Variants in ABLIM1 observed in about 807,000 individuals in gnomAD.
The protein encoded by ABLIM1 is actin binding LIM protein 1.
Under a neutral mutation model 107.0 loss-of-function variants are expected in ABLIM1, and 40 were observed. The observed-to-expected ratio is 0.37, with a 90% CI of 0.29 to 0.49. ABLIM1 has a LOEUF of 0.49. Ranked by LOEUF, ABLIM1 falls within the 20% of genes least tolerant of loss-of-function variation. The pLI is 0.97. For synonymous variants in ABLIM1, 357 were observed against 357.3 expected, an observed-to-expected ratio of 1.00 and a Z score of 0.01; for missense variants, 857 against 1,008.5, an observed-to-expected ratio of 0.85 and a Z score of 2.04.
At chr10:114,524,509 T>C (rs2064312329) in intron 6 of ABLIM1, among the ~76,000 whole-genome samples, 1 of 152,072 alleles carries the variant, frequency 6.6e-6, no homozygotes, top group Non-Finnish European at 1.5e-5. Context: ...AAGCATTCAC[T>C]TGCAGATTCT....
intron 1 of ABLIM1, among the ~76,000 whole-genome samples, chr10:114,750,781 A>C (rs1000488265): frequency 3.3e-5 from 5 of 152,234 alleles, no homozygotes; most frequent in Non-Finnish European, 7.4e-5. Context: ...AACATCTCAC[A>C]TCAAAATATT....
chr10:114,771,319 A>G (rs2083022298), upstream of ABLIM1, among the ~76,000 whole-genome samples: 2 of 152,298 alleles, frequency 1.3e-5, no homozygotes, highest in Middle Eastern at 6.8e-3. Flanking sequence ...GTAAGTCTCA[A>G]ATAAGGCACC....
chr10:114,449,252 C>T lies in ABLIM1; in HGVS notation c.1595-1232G>A, dbSNP rs559742700. 9.8e-5 allele frequency among the ~76,000 whole-genome samples: 15 copies of T among 152,286 alleles called. No homozygotes were observed. The South Asian group carries it at 2.1e-3, about 21-fold the overall frequency. On this transcript the variant is annotated intron_variant, in intron 14 of 22. Coordinates refer to ENST00000533213, the MANE Select transcript of ABLIM1 (RefSeq NM_002313.7). ...CCTGATTCTGGCTAATTTTGCAAAT[C>T]GGCCAGGGATGTCACTAAATATTTC... is the stretch of plus-strand genomic sequence containing the variant.
rs1390033497 is a variant in ABLIM1, at chr10:114,432,433, T to C, written c.*3827A>G. 1.3e-5 allele frequency: 2 copies of C among 152,232 alleles called. No homozygotes were observed. The highest frequency in any genetic ancestry group is 4.8e-5 in the African/African-American group (2 of 41,464). 9.4% of individuals were successfully genotyped at this position (152,232 alleles called of 1,614,324 possible). ...CCTGTCTCTTCCATACACAGGAGGATGCTAAGACCCAGTTAGCTTTAAATG... is the reference window on the plus strand; with the variant it reads ...CCTGTCTCTTCCATACACAGGAGGACGCTAAGACCCAGTTAGCTTTAAATG... On this transcript the variant is annotated 3_prime_UTR_variant, in exon 23 of 23. Transcript: ENST00000533213.
upstream of ABLIM1, among the ~76,000 whole-genome samples, chr10:114,663,093 G>A (rs1165349429): frequency 1.3e-5 from 2 of 152,174 alleles, no homozygotes; most frequent in Non-Finnish European, 2.9e-5. Flanking sequence ...CCTTCTCTAT[G>A]CCCTCAACAC....
chr10:114,455,812 CTT>C (rs11285756), intron 12 of ABLIM1, among the ~76,000 whole-genome samples: 43 of 139,514 alleles, frequency 3.1e-4, no homozygotes, highest in Non-Finnish European at 2.8e-4. Flanking sequence ...GAAACTGCAA[CTT>C]TTTTTTTTTT....
At chr10:114,490,076 T>C (rs960489411) in intron 7 of ABLIM1, among the ~76,000 whole-genome samples, 4 of 152,178 alleles carry the variant, frequency 2.6e-5, no homozygotes, top group African/African-American at 9.7e-5. Context: ...AGTGCTAGAA[T>C]TGACATGCTA....
At chr10:114,603,417 T>C (rs901363128) in intron 1 of ABLIM1, among the ~76,000 whole-genome samples, 1 of 151,956 alleles carries the variant, frequency 6.6e-6, no homozygotes, top group African/African-American at 2.4e-5. Flanking sequence ...ATCTGTGTTC[T>C]CTGCAAGGGA....
chr10:114,649,326 C>T (rs540154071), intron 1 of ABLIM1, among the ~76,000 whole-genome samples: 62 of 151,562 alleles, frequency 4.1e-4, no homozygotes, highest in African/African-American at 1.5e-3. Flanking sequence ...CGCTGGAACC[C>T]GGGAGGCAGA....
At chr10:114,769,807 A>T (rs909622956), upstream of ABLIM1, among the ~76,000 whole-genome samples, 1 of 152,238 alleles carries the variant, frequency 6.6e-6, no homozygotes, top group African/African-American at 2.4e-5. Context: ...AAGATTTGTA[A>T]TGGGAATAGA....
rs191459249 is a variant in ABLIM1 at position 114,485,471 on chromosome 10, C to T, written c.1041+2487G>A. On this transcript the variant is annotated intron_variant, in intron 8 of 22. Transcript: ENST00000533213. ...TTAAAAAATAAAACAAAACAACAACCACCTTAGGTAAAACTAACTTGAGAG... is the reference window on the plus strand; with the variant it reads ...TTAAAAAATAAAACAAAACAACAACTACCTTAGGTAAAACTAACTTGAGAG... The T allele has an allele frequency of 6.4e-4, 766 of 1,192,212 alleles. 1 individual carries two copies. Among genetic ancestry groups the T allele is most frequent in the Non-Finnish European group, 8.0e-4 (699 of 869,252 alleles). The allele number at this position is 1,192,212 out of a possible 1,614,324, so 73.9% of individuals were successfully genotyped here. A position where few individuals can be genotyped will look rare whatever the true frequency, so the allele number is the denominator to read the frequency against.
At position 114,634,868 on chromosome 10, in the gene ABLIM1, AT is replaced by A. The variant is rs2078400177; in HGVS notation, c.244+23088del. Among the ~76,000 whole-genome samples the A allele has an allele frequency of 3.9e-5, 6 of 152,348 alleles. No homozygotes were observed. The South Asian group carries it at 1.2e-3, about 32-fold the overall frequency. ...AACCAAAGAGTGTATTACTAAAGTTATTTTTGGAATGTGGGAGAGTAAAACA... is the reference window on the plus strand; with the variant it reads ...AACCAAAGAGTGTATTACTAAAGTTATTTTGGAATGTGGGAGAGTAAAACA... On this transcript the variant is annotated intron_variant, in intron 1 of 22. Transcript: ENST00000533213.
chr10:114,704,232 C>G (rs1158794970), intron 1 of ABLIM1, among the ~76,000 whole-genome samples: 1 of 146,670 alleles, frequency 6.8e-6, no homozygotes, highest in Non-Finnish European at 1.5e-5. Context: ...GTGACTCGAA[C>G]AATCTCTCTC....
chr10:114,562,878 C>A (rs887171516), intron 4 of ABLIM1, among the ~76,000 whole-genome samples: 14 of 152,142 alleles, frequency 9.2e-5, no homozygotes, highest in Admixed American at 5.2e-4. Flanking sequence ...AACAAAAAAA[C>A]CAGTCCTTGC....
chr10:114,683,430 G>A (rs933295448), intron 1 of ABLIM1, among the ~76,000 whole-genome samples: 2 of 152,158 alleles, frequency 1.3e-5, no homozygotes, highest in African/African-American at 2.4e-5. Context: ...CAGTTACAGC[G>A]TGTGCCAACC....
At chr10:114,667,504 ATTTT>A (rs538778934) in intron 1 of ABLIM1, among the ~76,000 whole-genome samples, 373 of 152,304 alleles carry the variant, frequency 2.4e-3, no homozygotes, top group African/African-American at 8.6e-3. Flanking sequence ...CCTTGAATTA[ATTTT>A]TTGTTTCTTT....
chr10:114,442,540 A>G (rs2060340459), intron 17 of ABLIM1, among the ~76,000 whole-genome samples: 1 of 152,220 alleles, frequency 6.6e-6, no homozygotes, highest in Non-Finnish European at 1.5e-5. Flanking sequence ...AAGGAACTCT[A>G]AAGATTTGTA....
intron 1 of ABLIM1, among the ~76,000 whole-genome samples, chr10:114,749,901 T>G (rs548517814): frequency 4.6e-5 from 7 of 152,304 alleles, no homozygotes; most frequent in African/African-American, 1.7e-4. Context: ...TCCCTGATCA[T>G]GCCCATCCCA....
At chr10:114,474,433 T>G (rs1320109228) in intron 8 of ABLIM1, among the ~76,000 whole-genome samples, 2 of 147,068 alleles carry the variant, frequency 1.4e-5, no homozygotes, top group African/African-American at 2.5e-5. Flanking sequence ...CAGGCTGGAG[T>G]GCAGTGGTGC....
Sources: allele counts gnomAD v4.1 joint callset (sites outside exome capture counted in the v4.1 genomes callset), GRCh38; gene constraint gnomAD v4.1.1; transcripts MANE v1.5; gene names NCBI Gene and HGNC (gene_info 2026-07-23, HGNC 2026-07-21).